FRMD6: variants seen among roughly 807,000 people sequenced by gnomAD.
FRMD6 encodes FERM domain containing 6.
Under a neutral mutation model 73.2 loss-of-function variants are expected in FRMD6, and 37 were observed. The observed-to-expected ratio is 0.51, with a 90% CI of 0.39 to 0.66. FRMD6 has a LOEUF of 0.66. Among genes scored for constraint, FRMD6 ranks in the 30% least tolerant of loss-of-function variants. FRMD6 has a pLI of 0.00. For synonymous variants in FRMD6, 273 were observed against 282.2 expected (o/e 0.97, Z 0.33); for missense variants, 714 against 780.5 (o/e 0.91, Z 1.02).
chr14:51,588,178 C>G (rs1223643920), intron 2 of FRMD6, among the ~76,000 whole-genome samples: 1 of 151,990 alleles, frequency 6.6e-6, no homozygotes, highest in African/African-American at 2.4e-5. Flanking sequence ...TACAAAAAAG[C>G]ATTTCCCCCC....
chr14:51,671,453 A>G (rs1019811560), intron 1 of FRMD6, among the ~76,000 whole-genome samples: 8 of 152,216 alleles, frequency 5.3e-5, no homozygotes, highest in African/African-American at 1.9e-4. Context: ...CAGAAAATGC[A>G]TATTATGTAT....
chr14:51,513,074 G>T (rs1225796180), intron 1 of FRMD6, among the ~76,000 whole-genome samples: 1 of 152,178 alleles, frequency 6.6e-6, no homozygotes, highest in Non-Finnish European at 1.5e-5. Context: ...CCCTGACAAT[G>T]GTAGGAAGAG....
Position 51,664,913 on chromosome 14 carries a change from C to T in FRMD6, c.-147+12917C>T, listed in dbSNP as rs924967611. Among the ~76,000 whole-genome samples the T allele has an allele frequency of 7.9e-5, 12 of 152,116 alleles. No homozygotes were observed. In the East Asian group the frequency reaches 1.3e-3, roughly 17 times the overall value. The stretch of plus-strand genomic sequence containing the variant: ...ACACGAGGCCAATGTGGAATAATTT[C>T]GCAGTGCTGGGGATTTTACATTGTA... On this transcript the variant is annotated intron_variant, in intron 1 of 13. Coordinates refer to ENST00000344768, the MANE Select transcript of FRMD6 (RefSeq NM_001267046.2).
chr14:51,474,360 G>C, the FRMD6 span, among the ~76,000 whole-genome samples: 1 of 152,238 alleles, frequency 6.6e-6, no homozygotes, highest in Non-Finnish European at 1.5e-5. Flanking sequence ...TTAGATAACA[G>C]AGAAGAGGGT....
At chr14:51,536,597 A>G (rs890271501) in intron 1 of FRMD6, among the ~76,000 whole-genome samples, 1 of 151,476 alleles carries the variant, frequency 6.6e-6, no homozygotes, top group African/African-American at 2.4e-5. Flanking sequence ...TTTGTATTTT[A>G]ATAGAGACGA....
intron 6 of FRMD6, among the ~76,000 whole-genome samples, chr14:51,706,305 T>G (rs1469616150): frequency 1.3e-5 from 2 of 152,130 alleles, no homozygotes; most frequent in Non-Finnish European, 2.9e-5. Context: ...TAGGTTCGTG[T>G]TCTCAGCAGC....
chr14:51,628,963 G>A (rs1180938825), intron 2 of FRMD6, among the ~76,000 whole-genome samples: 1 of 133,256 alleles, frequency 7.5e-6, no homozygotes, highest in African/African-American at 2.8e-5. Flanking sequence ...TGCAAGCTCC[G>A]CCTCCCGGGT....
chr14:51,549,030 G>C lies in FRMD6; in HGVS notation c.-209-21318G>C, dbSNP rs1596575405. Among the ~76,000 whole-genome samples the C allele has an allele frequency of 2.6e-5, 4 of 152,334 alleles. No homozygotes were observed. The South Asian group carries it at 6.2e-4, about 24-fold the overall frequency. ...AGAGAGCTTATCATTCTGTCTAGAAGGCATTTATATTCCAGTTATGATTGC... is the reference window on the plus strand; with the variant it reads ...AGAGAGCTTATCATTCTGTCTAGAACGCATTTATATTCCAGTTATGATTGC... On this transcript the variant is annotated intron_variant, in intron 1 of 14. Coordinates refer to the FRMD6 transcript ENST00000356218.
At chr14:51,630,654 G>A (rs1397217288) in intron 2 of FRMD6, among the ~76,000 whole-genome samples, 1 of 152,064 alleles carries the variant, frequency 6.6e-6, no homozygotes, top group African/African-American at 2.4e-5. Flanking sequence ...GGCTGAGGTG[G>A]GAGGATCATT....
intron 2 of FRMD6, among the ~76,000 whole-genome samples, chr14:51,616,706 G>A (rs1452139073): frequency 1.3e-5 from 2 of 152,116 alleles, no homozygotes; most frequent in South Asian, 2.1e-4. Flanking sequence ...ATTCTAGGCT[G>A]AGCCTGGAAG....
rs111595334 is a variant in FRMD6 at position 51,490,636 on chromosome 14, A to G, written c.-210+1216A>G. 2.8e-3 allele frequency among the ~76,000 whole-genome samples: 127 copies of G among 45,362 alleles called. 1 individual carries two copies. Among genetic ancestry groups the G allele is most frequent in the South Asian group, 0.017 (20 of 1,174 alleles). 29.8% of individuals were successfully genotyped at this position (45,362 alleles called of 152,430 possible). Reference sequence around the variant, plus strand: ...GTATTTTGTGTGTGTGTGTGTGTGTATAAAATGCGAAATTTCTTCTTTAGT... The same window carrying G: ...GTATTTTGTGTGTGTGTGTGTGTGTGTAAAATGCGAAATTTCTTCTTTAGT... On this transcript the variant is annotated intron_variant, in intron 1 of 14. Coordinates refer to the FRMD6 transcript ENST00000356218.
intron 1 of FRMD6, among the ~76,000 whole-genome samples, chr14:51,561,659 G>A (rs1268489793): frequency 6.6e-6 from 1 of 152,120 alleles, no homozygotes; most frequent in African/African-American, 2.4e-5. Context: ...TTGACCTGAT[G>A]AGCTCAGAAA....
exon 2 of FRMD6, chr14:51,570,408 C>T (rs1888066129): frequency 6.6e-6 from 1 of 152,050 alleles, no homozygotes; most frequent in Admixed American, 6.6e-5. Context: ...CAAATTTCAT[C>T]AGGTAAGAAG....
chr14:51,585,939 G>GTGTGTGTGTATATATATATATA, intron 2 of FRMD6, among the ~76,000 whole-genome samples: 53 of 31,402 alleles, frequency 1.7e-3, no homozygotes, highest in African/African-American at 3.5e-3. Context: ...GTGTGTGTGT[G>GTGTGTGTGTATATATATATATA]TATATATATA....
chr14:51,485,700 G>T (rs1253862173), upstream of FRMD6, among the ~76,000 whole-genome samples: 2 of 152,162 alleles, frequency 1.3e-5, no homozygotes, highest in African/African-American at 4.8e-5. Context: ...GCCATCCTTT[G>T]TTTGGTGGTG....
At chr14:51,600,240 A>G (rs922740054) in intron 2 of FRMD6, among the ~76,000 whole-genome samples, 7 of 152,226 alleles carry the variant, frequency 4.6e-5, no homozygotes, top group Non-Finnish European at 8.8e-5. Flanking sequence ...TACGGTCGAT[A>G]GCAAAATAAG....
chr14:51,599,052 A>G, intron 2 of FRMD6, among the ~76,000 whole-genome samples: 1 of 96,752 alleles, frequency 1.0e-5, no homozygotes, highest in Non-Finnish European at 1.9e-5. Context: ...CCTTGCCAGT[A>G]TCTGTCTTTT....
intron 1 of FRMD6, among the ~76,000 whole-genome samples, chr14:51,525,698 T>C (rs1885214801): frequency 2.0e-5 from 3 of 152,200 alleles, no homozygotes; most frequent in Admixed American, 2.0e-4. Flanking sequence ...TTGTGTTAAT[T>C]GCATCACCAT....
At chr14:51,687,644 CA>C (rs1895260697) in intron 1 of FRMD6, among the ~76,000 whole-genome samples, 1 of 152,130 alleles carries the variant, frequency 6.6e-6, no homozygotes, top group Admixed American at 6.6e-5. Context: ...GAGCCTTTAA[CA>C]CTTTCTGATT....
Sources: gnomAD v4.1 joint callset for allele counts (sites outside exome capture counted in the v4.1 genomes callset) on GRCh38, gnomAD v4.1.1 for gene constraint, MANE v1.5 for transcripts, NCBI Gene and HGNC (gene_info 2026-07-23, HGNC 2026-07-21) for gene names.